Variants in ANO4 observed in about 807,000 individuals in gnomAD.
ANO4 encodes the protein anoctamin 4.
A neutral mutation model predicts 141.9 loss-of-function variants in ANO4; 69 were observed. The observed-to-expected ratio is 0.49, with a 90% CI of 0.40 to 0.59. ANO4 has a LOEUF of 0.59. Among genes scored for constraint, ANO4 ranks in the 20% least tolerant of loss-of-function variants. The probability of loss-of-function intolerance (pLI) is 0.00; values close to 1 mark genes in which losing one functional copy is unlikely to be tolerated. For synonymous variants in ANO4, 350 were observed against 394.3 expected (o/e 0.89, Z 1.33); for missense variants, 894 against 1,162.2 (o/e 0.77, Z 3.36).
chr12:100,979,975 C>T (rs1291452716), intron 7 of ANO4, among the ~76,000 whole-genome samples: 4 of 149,752 alleles, frequency 2.7e-5, no homozygotes, highest in East Asian at 2.0e-4. Flanking sequence ...CTCTTGACCT[C>T]GTGATCCTCC....
chr12:100,740,430 A>G (rs1218557924), intron 3 of ANO4, among the ~76,000 whole-genome samples: 4 of 152,150 alleles, frequency 2.6e-5, no homozygotes, highest in African/African-American at 4.8e-5. Flanking sequence ...TTGAATGTGT[A>G]TAGAAATATT....
intron 25 of ANO4, among the ~76,000 whole-genome samples, chr12:101,119,521 A>C (rs2050995173): frequency 6.6e-6 from 1 of 152,170 alleles, no homozygotes; most frequent in Non-Finnish European, 1.5e-5. Flanking sequence ...TATATAAAAC[A>C]ACCATAATAT....
chr12:100,818,064 T>G (rs1240154953), intron 1 of ANO4, among the ~76,000 whole-genome samples: 1 of 151,822 alleles, frequency 6.6e-6, no homozygotes, highest in Non-Finnish European at 1.5e-5. Flanking sequence ...ATTGAATGTA[T>G]GACTCAGCCT....
chr12:100,826,235 A>T (rs530050725), intron 1 of ANO4, among the ~76,000 whole-genome samples: 1 of 152,088 alleles, frequency 6.6e-6, no homozygotes, highest in East Asian at 1.9e-4. Flanking sequence ...CAGAAAGCAG[A>T]TTTTCTGAAA....
intron 3 of ANO4, among the ~76,000 whole-genome samples, chr12:100,781,264 A>T (rs2033702458): frequency 6.6e-6 from 1 of 152,216 alleles, no homozygotes; most frequent in Non-Finnish European, 1.5e-5. Context: ...TATTTATAAC[A>T]GTATTGGAGC....
chr12:100,957,382 C>T (rs2043213906), intron 5 of ANO4, among the ~76,000 whole-genome samples: 1 of 152,176 alleles, frequency 6.6e-6, no homozygotes, highest in Non-Finnish European at 1.5e-5. Context: ...CCCACAAAGG[C>T]AGCACCCTCA....
intron 3 of ANO4, among the ~76,000 whole-genome samples, chr12:100,785,151 C>G (rs2033830693): frequency 6.6e-6 from 1 of 152,176 alleles, no homozygotes; most frequent in Admixed American, 6.5e-5. Flanking sequence ...CCCACACACC[C>G]TCTGCCTCCC....
chr12:100,863,975 G>C (rs1444929829), intron 1 of ANO4, among the ~76,000 whole-genome samples: 2 of 152,158 alleles, frequency 1.3e-5, no homozygotes, highest in Non-Finnish European at 2.9e-5. Flanking sequence ...CAGGGAGCTC[G>C]AACAGTGTCA....
chr12:100,821,809 T>C (rs146552521), intron 1 of ANO4, among the ~76,000 whole-genome samples: 1 of 152,140 alleles, frequency 6.6e-6, no homozygotes, highest in Non-Finnish European at 1.5e-5. Context: ...TTAATGAACA[T>C]TTTTGTACAT....
intron 8 of ANO4, among the ~76,000 whole-genome samples, chr12:101,007,542 T>C (rs1347057090): frequency 6.6e-6 from 1 of 152,206 alleles, no homozygotes; most frequent in African/African-American, 2.4e-5. Context: ...AGATGTTACT[T>C]TTCTAAATTC....
chr12:100,871,783 C>T (rs2039048216), intron 1 of ANO4, among the ~76,000 whole-genome samples: 1 of 152,146 alleles, frequency 6.6e-6, no homozygotes, highest in African/African-American at 2.4e-5. Context: ...TCTGGAGTCT[C>T]TTTTATAAGA....
intron 1 of ANO4, among the ~76,000 whole-genome samples, chr12:100,718,593 T>C (rs2030719302): frequency 1.3e-5 from 2 of 152,192 alleles, no homozygotes; most frequent in South Asian, 4.1e-4. Context: ...AGTCTCTTTC[T>C]CTGGATTTAA....
In ANO4 at chr12:101,110,371, ACT is replaced by A. The variant is rs2050616406; in HGVS notation, c.2150-28_2150-27del. On this transcript the variant is annotated intron_variant, in intron 22 of 27. Coordinates refer to ENST00000392977, the MANE Select transcript of ANO4 (RefSeq NM_001286615.2). Reference sequence around the variant, plus strand: ...TTGAAAATAGTAATGGAAAACCAATACTCTCTGCTCTTTTTCCTTTTTTCTTT... The same window carrying A: ...TTGAAAATAGTAATGGAAAACCAATACTCTGCTCTTTTTCCTTTTTTCTTT... 5 of 1,563,664 alleles carry A rather than the reference ACT, an allele frequency of 3.2e-6. No individual in the cohort carries two copies. The East Asian group carries it at 9.3e-5, about 29-fold the overall frequency.
chr12:100,844,328 T>A (rs1406304737), intron 1 of ANO4, among the ~76,000 whole-genome samples: 1 of 152,096 alleles, frequency 6.6e-6, no homozygotes, highest in Non-Finnish European at 1.5e-5. Context: ...CTATCCAGTG[T>A]GGATTGAGAA....
At chr12:100,773,980 A>G (rs1292845270) in intron 3 of ANO4, among the ~76,000 whole-genome samples, 1 of 152,184 alleles carries the variant, frequency 6.6e-6, no homozygotes, top group East Asian at 1.9e-4. Flanking sequence ...ATTTGTTTTC[A>G]TATTGTCTAT....
At chr12:100,991,192 A>T (rs1264856813) in intron 8 of ANO4, among the ~76,000 whole-genome samples, 1 of 152,214 alleles carries the variant, frequency 6.6e-6, no homozygotes, top group Non-Finnish European at 1.5e-5. Flanking sequence ...CATAGATAGC[A>T]TCCCTCGGGT....
chr12:101,115,620 C>T (rs1324389293), intron 24 of ANO4, among the ~76,000 whole-genome samples: 5 of 152,294 alleles, frequency 3.3e-5, no homozygotes, highest in African/African-American at 9.6e-5. Flanking sequence ...CCCAAAGTTT[C>T]AAACATTGTT....
chr12:100,822,841 AG>A (rs1322026495), intron 1 of ANO4, among the ~76,000 whole-genome samples: 1 of 151,890 alleles, frequency 6.6e-6, no homozygotes, highest in Non-Finnish European at 1.5e-5. Flanking sequence ...TGGTAACTTT[AG>A]GATTCTCATG....
intron 14 of ANO4, among the ~76,000 whole-genome samples, chr12:101,052,130 T>A (rs1012702048): frequency 2.6e-5 from 4 of 152,128 alleles, no homozygotes; most frequent in Admixed American, 2.6e-4. Context: ...CGGAAAAAAA[T>A]AATAAGGCTC....
Sources: gnomAD v4.1 joint callset for allele counts (sites outside exome capture counted in the v4.1 genomes callset) on GRCh38, gnomAD v4.1.1 for gene constraint, MANE v1.5 for transcripts, NCBI Gene and HGNC (gene_info 2026-07-23, HGNC 2026-07-21) for gene names.